PEBP4: variants seen among roughly 807,000 people sequenced by gnomAD.
The protein encoded by PEBP4 is phosphatidylethanolamine-binding protein 4.
Under a neutral mutation model 23.9 loss-of-function variants are expected in PEBP4, and 22 were observed. The observed-to-expected ratio is 0.92, with a 90% confidence interval of 0.66 to 1.31. PEBP4 has a LOEUF of 1.31. Among genes scored for constraint, PEBP4 ranks in the 40% most tolerant of loss-of-function variants. The pLI is 0.00. For synonymous variants in PEBP4, 112 were observed against 99.3 expected (o/e 1.13, Z -0.76); for missense variants, 324 against 281.7 (o/e 1.15, Z -1.07).
At chr8:22,835,168 A>G (rs1807175465) in intron 3 of PEBP4, among the ~76,000 whole-genome samples, 1 of 152,196 alleles carries the variant, frequency 6.6e-6, no homozygotes, top group African/African-American at 2.4e-5. Context: ...TACTGTCACT[A>G]AGGTATAGTT....
intron 1 of PEBP4, among the ~76,000 whole-genome samples, chr8:22,940,848 T>C (rs935834194): frequency 6.6e-6 from 1 of 152,136 alleles, no homozygotes; most frequent in African/African-American, 2.4e-5. Flanking sequence ...CTCTGTCTCC[T>C]CTCTCGTAGC....
At chr8:22,930,834 C>T (rs180686305), upstream of PEBP4, among the ~76,000 whole-genome samples, 86 of 152,230 alleles carry the variant, frequency 5.6e-4, no homozygotes, top group African/African-American at 2.0e-3. Context: ...AATTCTCCCT[C>T]CCCATCACCA....
At chr8:22,858,493 A>G (rs1469246002) in intron 3 of PEBP4, among the ~76,000 whole-genome samples, 1 of 152,214 alleles carries the variant, frequency 6.6e-6, no homozygotes, top group Non-Finnish European at 1.5e-5. Context: ...AGTATTAAGT[A>G]TCTCATCCTG....
At chr8:22,932,927 C>T (rs1484931540) in intron 1 of PEBP4, among the ~76,000 whole-genome samples, 1 of 151,578 alleles carries the variant, frequency 6.6e-6, no homozygotes, top group Admixed American at 6.6e-5. Flanking sequence ...ATCACTTGAA[C>T]CCAGGAGGCG....
At chr8:22,860,248 T>C (rs74919878) in intron 3 of PEBP4, among the ~76,000 whole-genome samples, 1,506 of 109,992 alleles carry the variant, frequency 0.014, 19 homozygotes, top group Non-Finnish European at 0.021. Context: ...AATACACATA[T>C]CATGCAATTT....
chr8:22,852,666 C>T (rs1203140138), intron 3 of PEBP4, among the ~76,000 whole-genome samples: 1 of 151,546 alleles, frequency 6.6e-6, no homozygotes, highest in Non-Finnish European at 1.5e-5. Context: ...GTGCAAAGTC[C>T]TCACTAAAAA....
intron 3 of PEBP4, among the ~76,000 whole-genome samples, chr8:22,882,727 C>A (rs995595708): frequency 6.6e-6 from 1 of 152,182 alleles, no homozygotes; most frequent in Admixed American, 6.5e-5. Flanking sequence ...TCTGTGAGAA[C>A]AATTTGCTTA....
intron 3 of PEBP4, among the ~76,000 whole-genome samples, chr8:22,833,047 A>T (rs946348817): frequency 6.6e-6 from 1 of 152,130 alleles, no homozygotes; most frequent in Non-Finnish European, 1.5e-5. Flanking sequence ...TGTCTCACCC[A>T]TTCCTTCTAG....
chr8:22,889,034 GTTTGT>G (rs1396364943), intron 3 of PEBP4, among the ~76,000 whole-genome samples: 1 of 152,218 alleles, frequency 6.6e-6, no homozygotes, highest in African/African-American at 2.4e-5. Flanking sequence ...TCAAAAGTAT[GTTTGT>G]TTTGTCTTCT....
intron 3 of PEBP4, among the ~76,000 whole-genome samples, chr8:22,898,009 G>T (rs1454377480): frequency 6.6e-6 from 1 of 152,026 alleles, no homozygotes; most frequent in Non-Finnish European, 1.5e-5. Context: ...AGCCAAGGAG[G>T]GAGCCCTCAT....
chr8:22,835,253 A>G (rs138492816), intron 3 of PEBP4, among the ~76,000 whole-genome samples: 230 of 152,348 alleles, frequency 1.5e-3, no homozygotes, highest in African/African-American at 5.1e-3. Flanking sequence ...AGTTAAAAGC[A>G]TGGAAGTATT....
At chr8:22,829,998 G>C (rs1002396214) in intron 3 of PEBP4, among the ~76,000 whole-genome samples, 13 of 152,120 alleles carry the variant, frequency 8.5e-5, no homozygotes, top group Non-Finnish European at 1.5e-4. Context: ...TGCAGTTGAC[G>C]TGGCAGCCCA....
intron 4 of PEBP4, among the ~76,000 whole-genome samples, chr8:22,772,493 C>CTTTTTTT (rs34489811): frequency 8.2e-6 from 1 of 121,628 alleles, no homozygotes; most frequent in Admixed American, 8.9e-5. Flanking sequence ...CTCTCTCTCT[C>CTTTTTTT]TTTTTTTTTT....
chr8:22,847,426 CT>C (rs1807461338), intron 3 of PEBP4, among the ~76,000 whole-genome samples: 1 of 152,132 alleles, frequency 6.6e-6, no homozygotes, highest in South Asian at 2.1e-4. Context: ...TGAACTCTGT[CT>C]AGTTGGAAAT....
chr8:22,911,397 C>A (rs562151033), intron 3 of PEBP4, among the ~76,000 whole-genome samples: 1 of 152,322 alleles, frequency 6.6e-6, no homozygotes, highest in African/African-American at 2.4e-5. Flanking sequence ...CCCCACCAGG[C>A]AGTGGGGGTT....
rs563541975 is a variant in PEBP4 at position 22,776,771 on chromosome 8, T to G, written c.357+40866A>C. 2.7e-5 allele frequency among the ~76,000 whole-genome samples: 4 copies of G among 147,736 alleles called. No homozygotes were observed. In the South Asian group the frequency reaches 6.7e-4, roughly 25 times the overall value. On this transcript the variant is annotated intron_variant, in intron 4 of 6. Coordinates refer to ENST00000256404, the MANE Select transcript of PEBP4 (RefSeq NM_144962.3). ...AGAAGGAGAATGGTTGGTAAGCCAT[T>G]TTTTTCTGATCGGGCATCCGAGATA...
chr8:22,909,875 T>C (rs917934164), intron 3 of PEBP4, among the ~76,000 whole-genome samples: 1 of 152,168 alleles, frequency 6.6e-6, no homozygotes, highest in Non-Finnish European at 1.5e-5. Flanking sequence ...CCTGGCCACG[T>C]GGAGAATGGC....
chr8:22,858,228 C>CT (rs1168680504), intron 3 of PEBP4, among the ~76,000 whole-genome samples: 1 of 150,110 alleles, frequency 6.7e-6, no homozygotes, highest in Non-Finnish European at 1.5e-5. Flanking sequence ...TCCTGCATTT[C>CT]TTCTTAAGTT....
At chr8:22,856,485 G>A (rs1019607820) in intron 3 of PEBP4, among the ~76,000 whole-genome samples, 3 of 152,206 alleles carry the variant, frequency 2.0e-5, no homozygotes, top group African/African-American at 4.8e-5. Context: ...GGGAGGCCGA[G>A]GCAGGCGGAT....
Sources: gnomAD v4.1 joint callset for allele counts (sites outside exome capture counted in the v4.1 genomes callset) on GRCh38, gnomAD v4.1.1 for gene constraint, MANE v1.5 for transcripts, NCBI Gene and HGNC (gene_info 2026-07-23, HGNC 2026-07-21) for gene names.